The following SH3GL2 variants were observed in gnomAD, a reference collection of about 807,000 sequenced individuals.
SH3GL2 encodes endophilin-A1.
A neutral mutation model predicts 46.0 loss-of-function variants in SH3GL2; 24 were observed. The ratio of observed to expected loss-of-function variants is 0.52; its 90% CI spans 0.38 to 0.73. The LOEUF (loss-of-function observed/expected upper bound fraction) is 0.73. Ranked by LOEUF, SH3GL2 falls within the 30% of genes least tolerant of loss-of-function variation. The pLI is 0.00. For synonymous variants in SH3GL2, 196 were observed against 147.1 expected, an observed-to-expected ratio of 1.33 and a Z score of -2.40; for missense variants, 413 against 424.2, an observed-to-expected ratio of 0.97 and a Z score of 0.23.
intron 1 of SH3GL2, among the ~76,000 whole-genome samples, chr9:17,641,887 G>A (rs1819693058): frequency 6.6e-6 from 1 of 152,212 alleles, no homozygotes; most frequent in Non-Finnish European, 1.5e-5. Flanking sequence ...TGTGAATAAT[G>A]CTGCAATAAA....
At chr9:17,779,306 A>C (rs993088264) in intron 3 of SH3GL2, among the ~76,000 whole-genome samples, 2 of 152,132 alleles carry the variant, frequency 1.3e-5, no homozygotes, top group African/African-American at 4.8e-5. Flanking sequence ...TTAGACAAGG[A>C]TTTTGTTTTT....
At position 17,702,789 on chromosome 9, in the gene SH3GL2, A is replaced by G. The variant is rs3808697; in HGVS notation, c.46-44277A>G. 1.1e-4 allele frequency among the ~76,000 whole-genome samples: 17 copies of G among 152,222 alleles called. No individual in the cohort carries two copies. In the East Asian group the frequency reaches 2.7e-3, roughly 24 times the overall value. On this transcript the variant is annotated intron_variant, in intron 1 of 8. Transcript: ENST00000380607. ...TCCACCGAAATATCTAAAAGGCACA[A>G]TCTGTGATTTCAGAAATGGTTTTTT...
At chr9:17,586,673 A>G (rs1039735437) in intron 1 of SH3GL2, among the ~76,000 whole-genome samples, 1 of 152,176 alleles carries the variant, frequency 6.6e-6, no homozygotes, top group African/African-American at 2.4e-5. Flanking sequence ...GTACAGAGCA[A>G]AGTGGGGTAA....
Position 17,693,749 on chromosome 9 carries a change from G to A in SH3GL2, c.46-53317G>A, listed in dbSNP as rs1821139201. Among the ~76,000 whole-genome samples, 3 of 152,296 alleles carry A rather than the reference G, an allele frequency of 2.0e-5. No homozygotes were observed. In the East Asian group the frequency reaches 5.8e-4, roughly 29 times the overall value. ...TCCAGTTCTCTGCTGGATGAATCAA[G>A]CGAGCAGTGAACGAAATGCCTGGCA... On this transcript the variant is annotated intron_variant, in intron 1 of 8. Transcript: ENST00000380607.
Position 17,752,293 on chromosome 9 carries a change from C to T in SH3GL2, c.114+5159C>T, listed in dbSNP as rs181775226. ...CTCTGTGATTGTTTATTGAGCTGTT[C>T]TTGTTCAGGAGTCTCAGTACTTTAA... On this transcript the variant is annotated intron_variant, in intron 2 of 8. Coordinates refer to ENST00000380607, the MANE Select transcript of SH3GL2 (RefSeq NM_003026.5). 7.8e-3 allele frequency among the ~76,000 whole-genome samples: 1,183 copies of T among 152,200 alleles called. 18 individuals carry two copies. The highest frequency in any genetic ancestry group is 0.027 in the African/African-American group (1,128 of 41,524).
At chr9:17,584,234 C>T (rs903245694) in intron 1 of SH3GL2, among the ~76,000 whole-genome samples, 4 of 152,170 alleles carry the variant, frequency 2.6e-5, no homozygotes, top group Non-Finnish European at 4.4e-5. Context: ...GGCGTGGTGG[C>T]TCACTCCTGT....
intron 1 of SH3GL2, among the ~76,000 whole-genome samples, chr9:17,726,976 G>C (rs1295607675): frequency 6.6e-6 from 1 of 152,142 alleles, no homozygotes; most frequent in Non-Finnish European, 1.5e-5. Context: ...AGGGAAAACT[G>C]TCACTCATGA....
At chr9:17,695,987 A>G (rs2118164993) in intron 1 of SH3GL2, among the ~76,000 whole-genome samples, 1 of 152,246 alleles carries the variant, frequency 6.6e-6, no homozygotes, top group East Asian at 1.9e-4. Context: ...AAGAAGGCAG[A>G]CCTGATAGTT....
chr9:17,789,394 T>G lies in SH3GL2; in HGVS notation c.468T>G (p.His156Gln), dbSNP rs749264048. The G allele has an allele frequency of 8.1e-6, 13 of 1,612,976 alleles. No homozygotes were observed. Among genetic ancestry groups the G allele is most frequent in the South Asian group, 1.1e-5 (1 of 91,052 alleles). ...ATTCCTGCCCTTGACTTTTGCAGCA[T>G]CATCTAAAGAAGTTGGAGGGTCGAC... Reference protein sequence around the residue: ...LHDKDLREIQHHLKKLEGRRL... With the variant: ...LHDKDLREIQQHLKKLEGRRL... Residue 156 changes from histidine to glutamine, a missense_variant and splice_region_variant, in exon 6 of 9, where the codon CAT becomes CAG. Physicochemically the swap from His to Gln is conservative, Grantham distance 24. Transcript: ENST00000380607.
chr9:17,615,181 A>G (rs1484014103), intron 1 of SH3GL2, among the ~76,000 whole-genome samples: 1 of 152,132 alleles, frequency 6.6e-6, no homozygotes, highest in African/African-American at 2.4e-5. Context: ...CTTCCTGGTG[A>G]GCACCCCGTA....
rs1196366936 is a variant in SH3GL2, at chr9:17,787,483, T to C, written c.435T>C (p.Asn145=). 8 of 1,613,066 alleles carry C rather than the reference T, an allele frequency of 5.0e-6. No individual in the cohort carries two copies. The African/African-American group carries it at 1.1e-4, about 22-fold the overall frequency. ...VKQNFIDPLQ[N]LHDKDLREIQ... The stretch of plus-strand genomic sequence containing the variant: ...AGAACTTCATTGACCCTCTTCAGAA[T>C]CTTCATGACAAAGATCTTAGGGAAA... Residue 145 remains asparagine (N), a synonymous_variant, in exon 5 of 9, where the codon AAT becomes AAC. Transcript: ENST00000380607.
chr9:17,677,465 T>C (rs1454758193), intron 1 of SH3GL2, among the ~76,000 whole-genome samples: 1 of 152,070 alleles, frequency 6.6e-6, no homozygotes, highest in African/African-American at 2.4e-5. Context: ...TATTTGGGGG[T>C]CTGCAACATT....
chr9:17,609,164 GT>G (rs1775750538), intron 1 of SH3GL2, among the ~76,000 whole-genome samples: 1 of 152,148 alleles, frequency 6.6e-6, no homozygotes, highest in Non-Finnish European at 1.5e-5. Context: ...CGATAAAGTA[GT>G]TTTTTATGGC....
intron 1 of SH3GL2, among the ~76,000 whole-genome samples, chr9:17,717,126 A>G (rs532212297): frequency 1.3e-5 from 2 of 152,134 alleles, no homozygotes; most frequent in Non-Finnish European, 2.9e-5. Context: ...GTCTCATCCT[A>G]TTTCTACCAA....
At chr9:17,648,446 G>A (rs1351042437) in intron 1 of SH3GL2, among the ~76,000 whole-genome samples, 4 of 152,116 alleles carry the variant, frequency 2.6e-5, no homozygotes, top group Non-Finnish European at 1.5e-5. Context: ...TTCAAGGCCT[G>A]GCAAAGAAGT....
intron 2 of SH3GL2, among the ~76,000 whole-genome samples, chr9:17,761,112 A>G (rs1213095041): frequency 3.3e-5 from 5 of 152,226 alleles, no homozygotes; most frequent in Non-Finnish European, 7.3e-5. Context: ...GACCCACTGT[A>G]GGCATCCAAT....
intron 1 of SH3GL2, among the ~76,000 whole-genome samples, chr9:17,581,115 G>T (rs1437932162): frequency 1.3e-3 from 203 of 152,294 alleles, no homozygotes; most frequent in East Asian, 1.9e-4. Context: ...TGACATAAAG[G>T]ATATTTTTAT....
intron 1 of SH3GL2, among the ~76,000 whole-genome samples, chr9:17,696,738 A>G (rs1489032081): frequency 6.6e-6 from 1 of 152,138 alleles, no homozygotes; most frequent in Non-Finnish European, 1.5e-5. Flanking sequence ...GATTATGGGA[A>G]CTACAATTGA....
intron 1 of SH3GL2, among the ~76,000 whole-genome samples, chr9:17,745,515 A>G (rs1822657838): frequency 6.6e-6 from 1 of 151,924 alleles, no homozygotes; most frequent in African/African-American, 2.4e-5. Flanking sequence ...ACTGCGCCAT[A>G]TTTCTCCTAT....
Sources: gnomAD v4.1 joint callset for allele counts (sites outside exome capture counted in the v4.1 genomes callset) on GRCh38, gnomAD v4.1.1 for gene constraint, MANE v1.5 for transcripts, NCBI Gene and HGNC (gene_info 2026-07-23, HGNC 2026-07-21) for gene names.